The following MTERF4 variants were observed in gnomAD, a reference collection of about 807,000 sequenced individuals.
The protein encoded by MTERF4 is mitochondrial transcription termination factor 4, also known as transcription termination factor 4, mitochondrial.
In MTERF4, 17 loss-of-function variants were observed where a neutral mutation model predicts 22.5. The ratio of observed to expected loss-of-function variants is 0.75; its 90% CI spans 0.52 to 1.13. MTERF4 has a LOEUF of 1.13. Ranked by LOEUF, MTERF4 falls within the 50% of genes most tolerant of loss-of-function variation. The pLI, the probability that MTERF4 is intolerant of heterozygous loss-of-function variation, is 0.00. For missense variants in MTERF4, 420 were observed against 466.8 expected (o/e 0.90, Z 0.92); for synonymous variants, 165 against 175.3 (o/e 0.94, Z 0.47).
At position 241,096,497 on chromosome 2, in the gene MTERF4, T is replaced by C; in HGVS notation, c.706-59A>G. 1 of 1,577,350 alleles carries C rather than the reference T, an allele frequency of 6.3e-7. No homozygotes were observed. Reference sequence around the variant, plus strand: ...TACAGAGTATTGAAACCTATCATTCTATAAACCATAAAAACTTAAGTTGTA... The same window carrying C: ...TACAGAGTATTGAAACCTATCATTCCATAAACCATAAAAACTTAAGTTGTA... On this transcript the variant is annotated intron_variant, in intron 3 of 3. Coordinates refer to ENST00000391980, the MANE Select transcript of MTERF4 (RefSeq NM_182501.4). This position sits in a 1 kb window ranked among gnomAD's most constrained non-coding sequence, Gnocchi z 5.1.
chr2:241,068,709 C>T (rs754637626), downstream of MTERF4, among the ~76,000 whole-genome samples: 17 of 152,186 alleles, frequency 1.1e-4, no homozygotes, highest in Non-Finnish European at 2.1e-4. The surrounding 1 kb of genome is among the most constrained non-coding windows in gnomAD (Gnocchi z 5.3). Context: ...CTCCGCTGCC[C>T]GGACTATGGG....
At chr2:241,066,055 G>A in the MTERF4 span, among the ~76,000 whole-genome samples, 1 of 152,182 alleles carries the variant, frequency 6.6e-6, no homozygotes, top group East Asian at 1.9e-4. Flanking sequence ...CTAAGGGGAG[G>A]CATCGGTGGC....
the MTERF4 span, chr2:241,051,661 T>C: frequency 3.5e-6 from 4 of 1,133,086 alleles, no homozygotes; most frequent in South Asian, 1.7e-5. This position sits in a 1 kb window ranked among gnomAD's most constrained non-coding sequence, Gnocchi z 4.7. Context: ...ACCAGAGGAC[T>C]GAGGAGATGC....
In MTERF4 at chr2:241,096,743, T is replaced by G; in HGVS notation, c.706-305A>C. 1 of 590,936 alleles carries G rather than the reference T, an allele frequency of 1.7e-6. No homozygotes were observed. The highest frequency in any genetic ancestry group is 3.2e-6 in the Non-Finnish European group (1 of 313,596). The allele number at this position is 590,936 out of a possible 1,614,324, so 36.6% of individuals were successfully genotyped here. A position where few individuals can be genotyped will look rare whatever the true frequency, so the allele number is the denominator to read the frequency against. ...AAATGGGGAAGGAAAAGGATGAATATGGAAAGAATAGGCAAAACATTCAGA... is the reference window on the plus strand; with the variant it reads ...AAATGGGGAAGGAAAAGGATGAATAGGGAAAGAATAGGCAAAACATTCAGA... On this transcript the variant is annotated intron_variant, in intron 3 of 3. Coordinates refer to ENST00000391980, the MANE Select transcript of MTERF4 (RefSeq NM_182501.4). This position sits in a 1 kb window ranked among gnomAD's most constrained non-coding sequence, Gnocchi z 5.1.
the MTERF4 span, chr2:241,051,413 T>C: frequency 7.6e-6 from 2 of 263,190 alleles, no homozygotes; most frequent in East Asian, 6.7e-5. This position sits in a 1 kb window ranked among gnomAD's most constrained non-coding sequence, Gnocchi z 4.7. Flanking sequence ...GGAATGCCCG[T>C]GTGCAGGAGG....
chr2:241,064,088 C>A, the MTERF4 span: 1 of 1,569,502 alleles, frequency 6.4e-7, no homozygotes, highest in Non-Finnish European at 8.6e-7. The surrounding 1 kb of genome is among the most constrained non-coding windows in gnomAD (Gnocchi z 7.0). Flanking sequence ...ACCTGTGCGT[C>A]TGCCCAGAGA....
At chr2:241,090,515 T>C, downstream of MTERF4, 1 of 1,466,828 alleles carries the variant, frequency 6.8e-7, no homozygotes, top group Non-Finnish European at 9.1e-7. Context: ...TCATCAAGTA[T>C]TATGTACTCT....
the MTERF4 span, among the ~76,000 whole-genome samples, chr2:241,042,959 T>C: frequency 6.6e-6 from 1 of 151,234 alleles, no homozygotes; most frequent in African/African-American, 2.4e-5. Flanking sequence ...GTATTTGGAG[T>C]CTGTGAAGGA....
At chr2:241,063,900 C>G in the MTERF4 span, 1 of 867,712 alleles carries the variant, frequency 1.2e-6, no homozygotes, top group Non-Finnish European at 1.8e-6. Context: ...CACTGCCCCT[C>G]TCTCCTGGCC....
chr2:241,066,020 A>AG, the MTERF4 span, among the ~76,000 whole-genome samples: 1 of 152,130 alleles, frequency 6.6e-6, no homozygotes, highest in African/African-American at 2.4e-5. Flanking sequence ...ACCTGCTCAC[A>AG]GGGATATGTA....
intron 4 of MTERF4, among the ~76,000 whole-genome samples, chr2:241,078,674 A>G (rs1319166321): frequency 6.6e-6 from 1 of 151,872 alleles, no homozygotes; most frequent in Non-Finnish European, 1.5e-5. Flanking sequence ...GCTAAAAGGT[A>G]CAAGGTTTCT....
At chr2:241,065,191 C>A in the MTERF4 span, 1 of 1,156,022 alleles carries the variant, frequency 8.7e-7, no homozygotes. Flanking sequence ...CCAGCGATGG[C>A]TGTGTCAGGC....
intron 4 of MTERF4, among the ~76,000 whole-genome samples, chr2:241,077,830 C>T (rs533871327): frequency 6.6e-6 from 1 of 152,250 alleles, no homozygotes; most frequent in South Asian, 2.1e-4. Context: ...TAATAATAAG[C>T]ATTGGTGAGG....
chr2:241,053,313 TC>T, the MTERF4 span: 1 of 1,579,334 alleles, frequency 6.3e-7, no homozygotes. Flanking sequence ...GGAGTGAGCC[TC>T]CCCAGTGCCT....
chr2:241,065,942 C>T, the MTERF4 span, among the ~76,000 whole-genome samples: 20 of 42,310 alleles, frequency 4.7e-4, no homozygotes, highest in African/African-American at 1.2e-3. Context: ...ACAGGGGCCG[C>T]GGGGGTGGGC....
At chr2:241,051,062 C>T in the MTERF4 span, among the ~76,000 whole-genome samples, 5 of 152,146 alleles carry the variant, frequency 3.3e-5, no homozygotes, top group Admixed American at 2.0e-4. This position sits in a 1 kb window ranked among gnomAD's most constrained non-coding sequence, Gnocchi z 4.7. Context: ...GGACCTGCAG[C>T]GTGGGATGGC....
chr2:241,052,566 C>G, the MTERF4 span: 26 of 963,528 alleles, frequency 2.7e-5, no homozygotes, highest in East Asian at 1.5e-4. Flanking sequence ...ATACCAGTGC[C>G]AGGCAGGTGA....
chr2:241,048,449 G>A, the MTERF4 span: 1 of 1,584,578 alleles, frequency 6.3e-7, no homozygotes, highest in South Asian at 1.2e-5. Flanking sequence ...GAGTGCGTCT[G>A]GGCTGCAAGG....
chr2:241,065,441 C>T, the MTERF4 span: 1 of 1,613,070 alleles, frequency 6.2e-7, no homozygotes, highest in Admixed American at 1.7e-5. Context: ...ACGGCTCCTA[C>T]CGCCGCACAG....
Sources: allele counts gnomAD v4.1 joint callset (sites outside exome capture counted in the v4.1 genomes callset), GRCh38; gene constraint gnomAD v4.1.1; non-coding constraint Gnocchi (gnomAD v3.1); transcripts MANE v1.5; gene names NCBI Gene and HGNC (gene_info 2026-07-23, HGNC 2026-07-21).